Variants in ASAP1 observed in about 807,000 individuals in gnomAD.
The protein encoded by ASAP1 is ArfGAP with SH3 domain, ankyrin repeat and PH domain 1.
ASAP1 carries 43 observed loss-of-function variants against 145.2 expected under a neutral mutation model. That is an observed-to-expected ratio of 0.30 (90% confidence interval 0.23 to 0.38). The LOEUF is 0.38. Among genes scored for constraint, ASAP1 ranks in the 10% least tolerant of loss-of-function variants. The pLI is 1.00. For missense variants in ASAP1, 1,018 were observed against 1,355.3 expected, an observed-to-expected ratio of 0.75 and a Z score of 3.91; for synonymous variants, 546 against 515.5, an observed-to-expected ratio of 1.06 and a Z score of -0.80.
intron 2 of ASAP1, among the ~76,000 whole-genome samples, chr8:130,382,405 G>A (rs533957760): frequency 6.6e-6 from 1 of 151,624 alleles, no homozygotes; most frequent in African/African-American, 2.4e-5. Flanking sequence ...CCAATGCTCA[G>A]AAAAATACAA....
At chr8:130,194,995 CTTCA>C (rs918234512) in intron 5 of ASAP1, 26 of 152,114 alleles carry the variant, frequency 1.7e-4, no homozygotes, top group African/African-American at 6.3e-4. Context: ...CCTGTATGAC[CTTCA>C]TTATCTTCAA....
chr8:130,216,433 T>A (rs886832302), intron 4 of ASAP1, among the ~76,000 whole-genome samples: 4 of 152,232 alleles, frequency 2.6e-5, no homozygotes, highest in African/African-American at 9.6e-5. Flanking sequence ...ACATAAAGTA[T>A]ATAAAAGTTT....
rs568862696 is a variant in ASAP1, at chr8:130,167,353, G to A, written c.909+183C>T. ...CCAGAGTCATGGAATTGGATACCCA[G>A]AACATCTTTCCTATAAGCAAGGAAA... is the stretch of plus-strand genomic sequence containing the variant. On this transcript the variant is annotated intron_variant, in intron 11 of 29. Transcript: ENST00000518721. 3.3e-4 allele frequency: 242 copies of A among 738,168 alleles called. 3 individuals are homozygous for A. Among genetic ancestry groups the A allele is most frequent in the South Asian group, 2.2e-3 (152 of 69,988 alleles). The allele number at this position is 738,168 out of a possible 1,614,324, so 45.7% of individuals were successfully genotyped here. A position where few individuals can be genotyped will look rare whatever the true frequency, so the allele number is the denominator to read the frequency against.
At chr8:130,104,598 C>T (rs1224955521) in intron 24 of ASAP1, among the ~76,000 whole-genome samples, 3 of 152,182 alleles carry the variant, frequency 2.0e-5, no homozygotes, top group Admixed American at 6.5e-5. Flanking sequence ...AGTGTACTCT[C>T]GTGGCAAAAC....
At chr8:130,258,151 A>G (rs1014761488) in intron 3 of ASAP1, among the ~76,000 whole-genome samples, 1 of 152,186 alleles carries the variant, frequency 6.6e-6, no homozygotes, top group Non-Finnish European at 1.5e-5. Context: ...TCCAGCTGCC[A>G]CTGAACCAGT....
chr8:130,353,481 T>C (rs1826120599), intron 3 of ASAP1, among the ~76,000 whole-genome samples: 1 of 152,208 alleles, frequency 6.6e-6, no homozygotes, highest in Non-Finnish European at 1.5e-5. Flanking sequence ...GAAGGTGCAA[T>C]GACAGCAAAG....
At chr8:130,176,915 C>T (rs1218029116) in intron 9 of ASAP1, among the ~76,000 whole-genome samples, 4 of 152,124 alleles carry the variant, frequency 2.6e-5, no homozygotes, top group African/African-American at 9.7e-5. Context: ...GTGTTGAACT[C>T]CTGTAATCTA....
At chr8:130,188,471 C>T (rs747075710) in intron 5 of ASAP1, among the ~76,000 whole-genome samples, 10 of 151,952 alleles carry the variant, frequency 6.6e-5, no homozygotes, top group African/African-American at 2.4e-4. Context: ...TGGTGGCTTA[C>T]GCCTGTAATC....
At chr8:130,180,712 T>C in intron 8 of ASAP1, 39 bp downstream of exon 8, 1 of 1,592,432 alleles carries the variant, frequency 6.3e-7, no homozygotes, top group Non-Finnish European at 8.5e-7. Flanking sequence ...ATCACAGTTG[T>C]TATAATTCTA....
intron 2 of ASAP1, among the ~76,000 whole-genome samples, chr8:130,372,166 C>A (rs1207622195): frequency 6.6e-6 from 1 of 152,200 alleles, no homozygotes; most frequent in Non-Finnish European, 1.5e-5. Context: ...AATTTCATCT[C>A]AGAAATTGTT....
At chr8:130,346,278 T>C (rs1004717993) in intron 3 of ASAP1, among the ~76,000 whole-genome samples, 3 of 152,220 alleles carry the variant, frequency 2.0e-5, no homozygotes, top group African/African-American at 7.2e-5. Context: ...CAGCCTATCA[T>C]TGACAAAATT....
intron 29 of ASAP1, among the ~76,000 whole-genome samples, chr8:130,056,440 G>T (rs2097404404): frequency 6.6e-6 from 1 of 152,178 alleles, no homozygotes; most frequent in South Asian, 2.1e-4. Flanking sequence ...CCTGAGTACT[G>T]GAGGATGTTT....
At chr8:130,419,308 C>T (rs1459241729) in intron 1 of ASAP1, among the ~76,000 whole-genome samples, 1 of 152,224 alleles carries the variant, frequency 6.6e-6, no homozygotes. Flanking sequence ...AAACCATCCC[C>T]ATCGTCTGCC....
At chr8:130,167,364 C>T (rs2097682054) in intron 11 of ASAP1, 172 bp downstream of exon 11, 1 of 759,386 alleles carries the variant, frequency 1.3e-6, no homozygotes, top group African/African-American at 1.7e-5. Flanking sequence ...AACATCTTTC[C>T]TATAAGCAAG....
At chr8:130,184,493 C>G (rs1360572613) in intron 7 of ASAP1, among the ~76,000 whole-genome samples, 1 of 152,162 alleles carries the variant, frequency 6.6e-6, no homozygotes, top group Non-Finnish European at 1.5e-5. Context: ...TTTTCCCTGT[C>G]ATGATTTGTA....
intron 4 of ASAP1, among the ~76,000 whole-genome samples, chr8:130,235,654 G>C (rs1034784425): frequency 6.6e-6 from 1 of 152,190 alleles, no homozygotes; most frequent in Non-Finnish European, 1.5e-5. Context: ...TGAGAAGTTA[G>C]TGGATATAAA....
intron 7 of ASAP1, among the ~76,000 whole-genome samples, chr8:130,182,059 C>T (rs1814391326): frequency 6.6e-6 from 1 of 152,190 alleles, no homozygotes; most frequent in South Asian, 2.1e-4. Flanking sequence ...ATTTAAGAAA[C>T]TCTTTAATCA....
chr8:130,283,587 G>GAAAAAAAA (rs71304303), intron 3 of ASAP1, among the ~76,000 whole-genome samples: 7 of 20,840 alleles, frequency 3.4e-4, no homozygotes, highest in African/African-American at 8.6e-4. Flanking sequence ...ATCACAGAAA[G>GAAAAAAAA]AAAAAAAAAA....
Position 130,064,239 on chromosome 8 carries a change from G to A in ASAP1, c.2702-3170C>T, listed in dbSNP as rs192939851. On this transcript the variant is annotated intron_variant, in intron 27 of 29. Coordinates refer to ENST00000518721, the MANE Select transcript of ASAP1 (RefSeq NM_018482.4). ...GGAGGCTCCAACTGTCCAGACAAGAGATGATGCTCATTTGATCCTAGCTGA... is the reference window on the plus strand; with the variant it reads ...GGAGGCTCCAACTGTCCAGACAAGAAATGATGCTCATTTGATCCTAGCTGA... 2.9e-3 allele frequency among the ~76,000 whole-genome samples: 437 copies of A among 152,324 alleles called. 1 individual carries two copies. The highest frequency in any genetic ancestry group is 5.0e-3 in the Non-Finnish European group (338 of 68,032).
Sources: gnomAD v4.1 joint callset for allele counts (sites outside exome capture counted in the v4.1 genomes callset) on GRCh38, gnomAD v4.1.1 for gene constraint, MANE v1.5 for transcripts, NCBI Gene and HGNC (gene_info 2026-07-23, HGNC 2026-07-21) for gene names.